PATJ: variants seen among roughly 807,000 people sequenced by gnomAD.
The protein encoded by PATJ is inaD-like protein.
PATJ carries 190 observed loss-of-function variants against 224.9 expected under a neutral mutation model. The observed-to-expected ratio is 0.84, with a 90% CI of 0.75 to 0.95. PATJ has a LOEUF of 0.95. Ranked by LOEUF, PATJ falls within the 40% of genes least tolerant of loss-of-function variation. The pLI, the probability that PATJ is intolerant of heterozygous loss-of-function variation, is 0.00. For synonymous variants in PATJ, 769 were observed against 820.3 expected, an observed-to-expected ratio of 0.94 and a Z score of 1.07; for missense variants, 2,121 against 2,270.3, an observed-to-expected ratio of 0.93 and a Z score of 1.34.
intron 20 of PATJ, among the ~76,000 whole-genome samples, chr1:61,871,070 G>GT (rs1247341544): frequency 6.3e-4 from 49 of 78,078 alleles, no homozygotes; most frequent in South Asian, 2.1e-3. Flanking sequence ...TTTGGTTTTT[G>GT]TTTTTTTTGT....
At position 61,763,343 on chromosome 1, in the gene PATJ, A is replaced by G. The variant is rs568077815; in HGVS notation, c.189+164A>G. On this transcript the variant is annotated intron_variant, in intron 3 of 43. Transcript: ENST00000642238. Reference sequence around the variant, plus strand: ...CCTATAACCTGTGGGTAGCATTGGCATAGATAATTTAGAAATATCAATAAT... The same window carrying G: ...CCTATAACCTGTGGGTAGCATTGGCGTAGATAATTTAGAAATATCAATAAT... Among the ~76,000 whole-genome samples the G allele has an allele frequency of 8.5e-5, 13 of 152,296 alleles. No individual in the cohort carries two copies. The East Asian group carries it at 1.9e-3, about 23-fold the overall frequency.
chr1:62,150,885 G>A (rs1668561950), intron 42 of PATJ, among the ~76,000 whole-genome samples: 1 of 152,174 alleles, frequency 6.6e-6, no homozygotes, highest in Non-Finnish European at 1.5e-5. Flanking sequence ...GCTTACGCCT[G>A]TAATCCCAGC....
chr1:61,864,218 T>C lies in PATJ; in HGVS notation c.2440-20T>C, dbSNP rs1665058181. ...CAGGACAGGCGTAACTTCACATTTT[T>C]TTGCATCTTTTATTTATAGGGATTT... On this transcript the variant is annotated intron_variant, in intron 19 of 43. Transcript: ENST00000642238. 2 of 1,583,660 alleles carry C rather than the reference T, an allele frequency of 1.3e-6. No homozygotes were observed. The highest frequency in any genetic ancestry group is 1.7e-6 in the Non-Finnish European group (2 of 1,166,084).
At chr1:61,926,229 C>T (rs1297801618) in intron 26 of PATJ, among the ~76,000 whole-genome samples, 1 of 152,202 alleles carries the variant, frequency 6.6e-6, no homozygotes, top group Non-Finnish European at 1.5e-5. Flanking sequence ...GCCTTTGCCA[C>T]ATCTGGGGAG....
At chr1:61,841,921 A>G (rs1174855696) in intron 17 of PATJ, among the ~76,000 whole-genome samples, 5 of 152,190 alleles carry the variant, frequency 3.3e-5, no homozygotes, top group Non-Finnish European at 7.3e-5. Context: ...CTTTCCCTCT[A>G]TGGGAAAGTT....
chr1:61,795,658 A>G (rs531650108), intron 10 of PATJ, 100 bp downstream of exon 10: 2 of 600,994 alleles, frequency 3.3e-6, no homozygotes, highest in South Asian at 3.0e-5. Flanking sequence ...ATATAGTTTT[A>G]TAAGGTTTTT....
At chr1:61,949,078 A>AG (rs1679214554) in intron 27 of PATJ, among the ~76,000 whole-genome samples, 1 of 127,998 alleles carries the variant, frequency 7.8e-6, no homozygotes, top group South Asian at 2.6e-4. Context: ...GTCGGCGGGG[A>AG]GCGGGGAGGG....
intron 6 of PATJ, 125 bp downstream of exon 6, chr1:61,771,751 C>G: frequency 1.4e-6 from 1 of 697,172 alleles, no homozygotes; most frequent in South Asian, 2.4e-5. Flanking sequence ...TGGAGTTTCG[C>G]TCTTGTTGCC....
intron 43 of PATJ, among the ~76,000 whole-genome samples, chr1:62,155,096 CATT>C (rs891870119): frequency 2.0e-5 from 3 of 152,140 alleles, no homozygotes; most frequent in African/African-American, 7.2e-5. Context: ...CTTTGGAGGG[CATT>C]ATTATACTTT....
chr1:61,797,926 C>G (rs916787670), intron 11 of PATJ, among the ~76,000 whole-genome samples: 1 of 151,848 alleles, frequency 6.6e-6, no homozygotes, highest in Non-Finnish European at 1.5e-5. Context: ...CCTCAGCCTC[C>G]CAAGTAGCTG....
chr1:61,831,716 T>C (rs1166350312), intron 16 of PATJ, among the ~76,000 whole-genome samples: 1 of 152,122 alleles, frequency 6.6e-6, no homozygotes, highest in Non-Finnish European at 1.5e-5. Context: ...AAGGAAACAA[T>C]TAGCACTGCT....
At chr1:62,046,234 A>AGGG (rs1652531662) in intron 30 of PATJ, among the ~76,000 whole-genome samples, 1 of 128,346 alleles carries the variant, frequency 7.8e-6, no homozygotes, top group Non-Finnish European at 1.6e-5. Flanking sequence ...GAAAGGAAGG[A>AGGG]AGGGAGGGAG....
At chr1:61,837,333 A>C (rs1660336603) in intron 17 of PATJ, among the ~76,000 whole-genome samples, 1 of 152,242 alleles carries the variant, frequency 6.6e-6, no homozygotes, top group Non-Finnish European at 1.5e-5. Context: ...CTCTCTAGTT[A>C]GATTACAAAA....
intron 30 of PATJ, among the ~76,000 whole-genome samples, chr1:62,048,819 G>A (rs1653050857): frequency 6.6e-6 from 1 of 152,170 alleles, no homozygotes; most frequent in Non-Finnish European, 1.5e-5. Flanking sequence ...CTAACATGAT[G>A]CTCCAAAGAA....
chr1:61,754,651 C>T (rs982969057), intron 1 of PATJ, among the ~76,000 whole-genome samples: 2 of 151,074 alleles, frequency 1.3e-5, no homozygotes, highest in Non-Finnish European at 1.5e-5. Context: ...CATGAGCCAA[C>T]GTGCCTGGCC....
At position 61,957,276 on chromosome 1, in the gene PATJ, C is replaced by T. The variant is rs552795679; in HGVS notation, c.3670+29447C>T. Among the ~76,000 whole-genome samples the T allele has an allele frequency of 6.0e-4, 92 of 152,128 alleles. 1 individual carries two copies. Among genetic ancestry groups the T allele is most frequent in the Admixed American group, 2.4e-3 (37 of 15,282 alleles). ...AAAGGGAATCATTCTGCCATCTACA[C>T]GTATTACTTAGAAGGTTCTTTTTAT... On this transcript the variant is annotated intron_variant, in intron 27 of 43. Transcript: ENST00000642238.
chr1:62,050,912 G>C lies in PATJ; in HGVS notation c.4033-54G>C, dbSNP rs890261723. On this transcript the variant is annotated intron_variant, in intron 30 of 43. Coordinates refer to ENST00000642238, the MANE Select transcript of PATJ (RefSeq NM_001350145.3). ...GACATTGAGTATCTGTACAATTCGA[G>C]GGAGTGTAAGTGAAGAATGACATCT... is the stretch of plus-strand genomic sequence containing the variant. 2.3e-6 allele frequency: 3 copies of C among 1,286,874 alleles called. No individual in the cohort carries two copies. The African/African-American group carries it at 4.4e-5, about 19-fold the overall frequency. The allele number at this position is 1,286,874 out of a possible 1,614,324, so 79.7% of individuals were successfully genotyped here.
At chr1:61,801,794 G>A (rs373846908) in intron 12 of PATJ, 25 bp downstream of exon 12, 10 of 1,469,090 alleles carry the variant, frequency 6.8e-6, no homozygotes, top group African/African-American at 1.4e-5. Flanking sequence ...TTCACTTTGC[G>A]ATAACAGACT....
chr1:61,886,819 C>CAAAAAAAAAA lies in PATJ; in HGVS notation c.3131+2414_3131+2423dup, dbSNP rs35950461. 2.7e-3 allele frequency among the ~76,000 whole-genome samples: 240 copies of CAAAAAAAAAA among 87,452 alleles called. 73 individuals are homozygous for CAAAAAAAAAA. The highest frequency in any genetic ancestry group is 4.3e-3 in the Non-Finnish European group (162 of 37,346). 57.4% of individuals were successfully genotyped at this position (87,452 alleles called of 152,430 possible). A position where few individuals can be genotyped will look rare whatever the true frequency, so the allele number is the denominator to read the frequency against. The stretch of plus-strand genomic sequence containing the variant: ...TGGGCAACAGAGCAAGACCCCATCT[C>CAAAAAAAAAA]AAAAAAAAAAAATTAGCCTGTTGTG... On this transcript the variant is annotated intron_variant, in intron 22 of 43. Transcript: ENST00000642238.
Sources: allele counts gnomAD v4.1 joint callset (sites outside exome capture counted in the v4.1 genomes callset), GRCh38; gene constraint gnomAD v4.1.1; transcripts MANE v1.5; gene names NCBI Gene and HGNC (gene_info 2026-07-23, HGNC 2026-07-21).